UTP6: variants seen among roughly 807,000 people sequenced by gnomAD.
The protein encoded by UTP6 is UTP6 small subunit processome component, also known as U3 small nucleolar RNA-associated protein 6 homolog.
In UTP6, 60 loss-of-function variants were observed where a neutral mutation model predicts 96.5. That is an observed-to-expected ratio of 0.62 (90% CI 0.51 to 0.77). The LOEUF (loss-of-function observed/expected upper bound fraction) is 0.77. UTP6 is among the 30% of genes least tolerant of loss of function. The pLI, the probability that UTP6 is intolerant of heterozygous loss-of-function variation, is 0.00. For synonymous variants in UTP6, 215 were observed against 240.1 expected (o/e 0.90, Z 0.96); for missense variants, 637 against 706.5 (o/e 0.90, Z 1.12).
Position 31,894,559 on chromosome 17 carries a change from T to C in UTP6, c.312+86A>G, listed in dbSNP as rs28696035. 0.011 allele frequency: 10,409 copies of C among 962,732 alleles called. 612 individuals are homozygous for C. The African/African-American group carries it at 0.13, about 12-fold the overall frequency. 59.6% of individuals were successfully genotyped at this position (962,732 alleles called of 1,614,324 possible). On this transcript the variant is annotated intron_variant, in intron 4 of 18. Transcript: ENST00000261708. ...AGTATAAAGATACCCAAGATAAAAATAGAAAACTGCATTTGAATCCCTAAT... is the reference window on the plus strand; with the variant it reads ...AGTATAAAGATACCCAAGATAAAAACAGAAAACTGCATTTGAATCCCTAAT...
At chr17:31,863,760 T>C (rs1186962409) in intron 18 of UTP6, among the ~76,000 whole-genome samples, 1 of 152,148 alleles carries the variant, frequency 6.6e-6, no homozygotes, top group Non-Finnish European at 1.5e-5. Context: ...TAGAGTGTAG[T>C]AGCGGGAACA....
intron 17 of UTP6, among the ~76,000 whole-genome samples, chr17:31,866,182 G>T (rs1476838011): frequency 6.6e-6 from 1 of 151,514 alleles, no homozygotes; most frequent in Non-Finnish European, 1.5e-5. Flanking sequence ...AGCTACTCAG[G>T]AGGCTGAGGC....
At chr17:31,892,607 G>A (rs1904385169) in intron 5 of UTP6, 140 bp downstream of exon 5, 19 of 929,268 alleles carry the variant, frequency 2.0e-5, no homozygotes, top group Admixed American at 1.3e-4. Flanking sequence ...GATATCCAAT[G>A]TTATATTGAT....
intron 17 of UTP6, among the ~76,000 whole-genome samples, chr17:31,867,663 C>T (rs560469867): frequency 6.6e-6 from 1 of 151,822 alleles, no homozygotes; most frequent in Non-Finnish European, 1.5e-5. Context: ...TTTTACATAA[C>T]AAAACACTCC....
chr17:31,875,072 T>C lies in UTP6; in HGVS notation c.1305+162A>G, dbSNP rs59342365. On this transcript the variant is annotated intron_variant, in intron 14 of 18. Coordinates refer to ENST00000261708, the MANE Select transcript of UTP6 (RefSeq NM_018428.3). ...TAACTTTCAAATAAAGGATATTAAA[T>C]AGAAGCAAATTCTTCTACTCTTAAC... Among the ~76,000 whole-genome samples the C allele has an allele frequency of 3.0e-3, 450 of 152,334 alleles. 16 individuals carry two copies. In the East Asian group the frequency reaches 0.07, roughly 24 times the overall value.
At position 31,861,244 on chromosome 17, in the gene UTP6, A is replaced by T. The variant is rs1420355545; in HGVS notation, c.*2115T>A. The T allele has an allele frequency of 6.6e-6, 1 of 152,100 alleles. No homozygotes were observed. The highest frequency in any genetic ancestry group is 2.4e-5 in the African/African-American group (1 of 41,410). 9.4% of individuals were successfully genotyped at this position (152,100 alleles called of 1,614,324 possible). ...GCAAGACTCTGTCTCAAAAAAAAAAAATCACCACAAACAAGGCTGGGGGTA... is the reference window on the plus strand; with the variant it reads ...GCAAGACTCTGTCTCAAAAAAAAAATATCACCACAAACAAGGCTGGGGGTA... On this transcript the variant is annotated 3_prime_UTR_variant, in exon 19 of 19. Coordinates refer to ENST00000261708, the MANE Select transcript of UTP6 (RefSeq NM_018428.3).
intron 16 of UTP6, chr17:31,873,109 C>G (rs1197068719): frequency 9.7e-6 from 3 of 310,692 alleles, no homozygotes; most frequent in African/African-American, 6.6e-5. Flanking sequence ...TAAAAATTAG[C>G]CAGGCGTGGT....
rs551684991 is a variant in UTP6, at chr17:31,890,242, T to C, written c.425-839A>G. ...AACTCCTGATCTCAAATGATCTGCCTGCCTCGGCTTCCCAAAGTGCTGGGA... is the reference window on the plus strand; with the variant it reads ...AACTCCTGATCTCAAATGATCTGCCCGCCTCGGCTTCCCAAAGTGCTGGGA... On this transcript the variant is annotated intron_variant, in intron 6 of 18. Coordinates refer to ENST00000261708, the MANE Select transcript of UTP6 (RefSeq NM_018428.3). 9.2e-5 allele frequency among the ~76,000 whole-genome samples: 14 copies of C among 151,828 alleles called. No individual in the cohort carries two copies. In the East Asian group the frequency reaches 2.8e-3, roughly 30 times the overall value.
intron 1 of UTP6, 33 bp from the exon 2 acceptor site, chr17:31,899,763 A>G (rs1426555861): frequency 6.9e-7 from 1 of 1,454,250 alleles, no homozygotes; most frequent in Non-Finnish European, 9.3e-7. Flanking sequence ...TTCACTTGAA[A>G]ACTGCAAAAA....
Position 31,881,424 on chromosome 17 carries a change from G to A in UTP6, c.786-670C>T, listed in dbSNP as rs764743290. 4.0e-5 allele frequency among the ~76,000 whole-genome samples: 6 copies of A among 151,496 alleles called. No homozygotes were observed. The East Asian group carries it at 5.9e-4, about 15-fold the overall frequency. Reference sequence around the variant, plus strand: ...TGGAATTACAGACGCATACCACCACGCCCAGCTAATTTTTGTATTTCTTTG... The same window carrying A: ...TGGAATTACAGACGCATACCACCACACCCAGCTAATTTTTGTATTTCTTTG... On this transcript the variant is annotated intron_variant, in intron 10 of 18. Coordinates refer to ENST00000261708, the MANE Select transcript of UTP6 (RefSeq NM_018428.3).
At chr17:31,889,441 TTAATC>T (rs1911340534) in intron 6 of UTP6, 38 bp from the exon 7 acceptor site, 1 of 1,512,554 alleles carries the variant, frequency 6.6e-7, no homozygotes, top group Non-Finnish European at 9.1e-7. Flanking sequence ...TTTCAATAAA[TTAATC>T]AAGTCAGACA....
chr17:31,872,584 G>C (rs1349491177), intron 16 of UTP6, among the ~76,000 whole-genome samples: 7 of 152,146 alleles, frequency 4.6e-5, no homozygotes, highest in Non-Finnish European at 8.8e-5. Context: ...GCTGAGGTGG[G>C]CGGACTGCTT....
chr17:31,867,940 A>G, intron 17 of UTP6, 106 bp downstream of exon 17: 1 of 1,070,274 alleles, frequency 9.3e-7, no homozygotes, highest in Non-Finnish European at 1.3e-6. Flanking sequence ...CTGGCAACAG[A>G]GCGAGACTCT....
At position 31,873,191 on chromosome 17, in the gene UTP6, T is replaced by C. The variant is rs1341507283; in HGVS notation, c.1496+187A>G. 1.6e-5 allele frequency: 8 copies of C among 511,874 alleles called. 1 individual carries two copies. The highest frequency in any genetic ancestry group is 1.3e-4 in the South Asian group (5 of 37,776). 31.7% of individuals were successfully genotyped at this position (511,874 alleles called of 1,614,324 possible). A position where few individuals can be genotyped will look rare whatever the true frequency, so the allele number is the denominator to read the frequency against. Reference sequence around the variant, plus strand: ...ATCACTTGAACGCAGGAGGCGGAGATTGCAGTGAGCAGAGATTGTGCCACT... The same window carrying C: ...ATCACTTGAACGCAGGAGGCGGAGACTGCAGTGAGCAGAGATTGTGCCACT... On this transcript the variant is annotated intron_variant, in intron 16 of 18. Transcript: ENST00000261708.
rs958135301 is a variant in UTP6, at chr17:31,887,938, G to A, written c.544-625C>T. 3.6e-5 allele frequency: 4 copies of A among 111,742 alleles called. No individual in the cohort carries two copies. In the Admixed American group the frequency reaches 4.1e-4, roughly 11 times the overall value. The allele number at this position is 111,742 out of a possible 1,614,324, so 6.9% of individuals were successfully genotyped here. ...AACACACCATTGCACTCCTGCCTGAGCAACAAGAGTGAGACTCCATCTCAA... is the reference window on the plus strand; with the variant it reads ...AACACACCATTGCACTCCTGCCTGAACAACAAGAGTGAGACTCCATCTCAA... On this transcript the variant is annotated intron_variant, in intron 7 of 18. Coordinates refer to ENST00000261708, the MANE Select transcript of UTP6 (RefSeq NM_018428.3).
chr17:31,899,752 C>A, intron 1 of UTP6, 22 bp from the exon 2 acceptor site: 1 of 1,525,814 alleles, frequency 6.6e-7, no homozygotes, highest in Non-Finnish European at 8.8e-7. Flanking sequence ...GCCATTTAAA[C>A]TTCACTTGAA....
At position 31,901,652 on chromosome 17, in the gene UTP6, G is replaced by A. The variant is rs570302818; in HGVS notation, c.-25C>T. ...TGAGGTCCGAGGTCTACAACCCCGC[G>A]GGTAGCTTCTCAACAGCGAACACGA... On this transcript the variant is annotated 5_prime_UTR_variant, in exon 1 of 19. Transcript: ENST00000261708. 3 of 1,609,942 alleles carry A rather than the reference G, an allele frequency of 1.9e-6. No homozygotes were observed. In the African/African-American group the frequency reaches 4.0e-5, roughly 21 times the overall value.
chr17:31,880,997 G>A (rs568404960), intron 10 of UTP6, among the ~76,000 whole-genome samples: 6 of 152,008 alleles, frequency 3.9e-5, no homozygotes, highest in Non-Finnish European at 7.4e-5. Flanking sequence ...CCAATATGGT[G>A]AAACCCCATC....
chr17:31,895,724 G>A (rs1904596118), intron 2 of UTP6, among the ~76,000 whole-genome samples: 2 of 151,872 alleles, frequency 1.3e-5, no homozygotes, highest in Non-Finnish European at 2.9e-5. Context: ...AGTAGAGATG[G>A]GGTTTCACCA....
Sources: allele counts gnomAD v4.1 joint callset (sites outside exome capture counted in the v4.1 genomes callset), GRCh38; gene constraint gnomAD v4.1.1; transcripts MANE v1.5; gene names NCBI Gene and HGNC (gene_info 2026-07-23, HGNC 2026-07-21).